The following PEX14 variants were observed in gnomAD, a reference collection of about 807,000 sequenced individuals.
PEX14 encodes peroxisomal membrane protein PEX14.
Under a neutral mutation model 49.5 loss-of-function variants are expected in PEX14, and 15 were observed. The ratio of observed to expected loss-of-function variants is 0.30; its 90% CI spans 0.20 to 0.47. PEX14 has a LOEUF of 0.47. Ranked by LOEUF, PEX14 falls within the 20% of genes least tolerant of loss-of-function variation. The probability of loss-of-function intolerance (pLI) is 1.00; values close to 1 mark genes in which losing one functional copy is unlikely to be tolerated. For missense variants in PEX14, 398 were observed against 494.8 expected (o/e 0.80, Z 1.86); for synonymous variants, 210 against 212.7 (o/e 0.99, Z 0.11).
chr1:10,582,237 A>C (rs550872914), intron 3 of PEX14, among the ~76,000 whole-genome samples: 4 of 152,246 alleles, frequency 2.6e-5, no homozygotes, highest in East Asian at 1.9e-4. Flanking sequence ...TATATCTTAC[A>C]GCTATTGAAA....
chr1:10,585,519 G>C (rs1018517826), intron 3 of PEX14, among the ~76,000 whole-genome samples: 1 of 152,206 alleles, frequency 6.6e-6, no homozygotes, highest in Non-Finnish European at 1.5e-5. Flanking sequence ...CACACCTTTA[G>C]TATAAAGATA....
intron 3 of PEX14, among the ~76,000 whole-genome samples, chr1:10,580,206 G>A (rs539895277): frequency 6.6e-6 from 1 of 152,142 alleles, no homozygotes; most frequent in South Asian, 2.1e-4. Flanking sequence ...AGGACAGAAG[G>A]GGTGTAAATG....
At chr1:10,517,424 G>A (rs753902245) in intron 2 of PEX14, among the ~76,000 whole-genome samples, 32 of 152,132 alleles carry the variant, frequency 2.1e-4, no homozygotes, top group Non-Finnish European at 4.1e-4. Flanking sequence ...TTCCTTTGAA[G>A]AGAGAGGAGT....
intron 5 of PEX14, among the ~76,000 whole-genome samples, chr1:10,620,291 C>CAATAA (rs59926174): frequency 0.088 from 12,563 of 142,312 alleles, 871 homozygotes; most frequent in East Asian, 0.37. Context: ...CTCTACCAAA[C>CAATAA]AATAAAATAA....
At chr1:10,545,985 C>T (rs1003375643) in intron 3 of PEX14, among the ~76,000 whole-genome samples, 1 of 152,048 alleles carries the variant, frequency 6.6e-6, no homozygotes, top group East Asian at 1.9e-4. Context: ...TTTGAGCTTA[C>T]AGGGAGCTAT....
In PEX14 at chr1:10,623,490, G is replaced by A. The variant is rs1255092787; in HGVS notation, c.487+369G>A. On this transcript the variant is annotated intron_variant, in intron 6 of 8. Transcript: ENST00000356607. The surrounding 1 kb of genome is among the most constrained non-coding windows in gnomAD (Gnocchi z 4.4). ...CTTCCCTCTAAGACTCGACTGTGGG[G>A]TCAAGAGAGTCTGTAATTACTGTGG... is the stretch of plus-strand genomic sequence containing the variant. 2.0e-5 allele frequency among the ~76,000 whole-genome samples: 3 copies of A among 152,204 alleles called. No homozygotes were observed. Among genetic ancestry groups the A allele is most frequent in the East Asian group, 1.9e-4 (1 of 5,176 alleles).
chr1:10,505,332 A>G (rs966510483), intron 2 of PEX14, among the ~76,000 whole-genome samples: 33 of 152,122 alleles, frequency 2.2e-4, no homozygotes, highest in African/African-American at 7.2e-4. Context: ...TTAGTGGGAC[A>G]TGTGGCTCGA....
intron 2 of PEX14, among the ~76,000 whole-genome samples, chr1:10,531,896 A>T (rs940726839): frequency 6.6e-6 from 1 of 152,142 alleles, no homozygotes; most frequent in African/African-American, 2.4e-5. Context: ...TAAAGTGTGT[A>T]TTCTGAAGAT....
intron 3 of PEX14, among the ~76,000 whole-genome samples, chr1:10,589,503 G>T (rs1044879743): frequency 6.6e-6 from 1 of 152,032 alleles, no homozygotes; most frequent in Non-Finnish European, 1.5e-5. Context: ...CCCCACCTCA[G>T]CCTCCCAAGT....
intron 2 of PEX14, among the ~76,000 whole-genome samples, chr1:10,517,745 C>T (rs1641996940): frequency 6.8e-6 from 1 of 146,174 alleles, no homozygotes; most frequent in Admixed American, 7.0e-5. Context: ...CTAGCATTGT[C>T]AGAGTATATG....
intron 3 of PEX14, among the ~76,000 whole-genome samples, chr1:10,551,398 TC>T (rs1639329809): frequency 6.6e-6 from 1 of 152,146 alleles, no homozygotes; most frequent in Non-Finnish European, 1.5e-5. Flanking sequence ...GAGTCGAACC[TC>T]CATGAAGCCG....
chr1:10,554,788 A>G (rs1639438220), intron 3 of PEX14, among the ~76,000 whole-genome samples: 1 of 151,648 alleles, frequency 6.6e-6, no homozygotes. Context: ...ATCTTGGCTC[A>G]CTGCAACCTC....
At chr1:10,567,581 C>T (rs937977473) in intron 3 of PEX14, among the ~76,000 whole-genome samples, 2 of 152,100 alleles carry the variant, frequency 1.3e-5, no homozygotes, top group African/African-American at 2.4e-5. Flanking sequence ...GCACCCTCCA[C>T]CTCAGGAGAC....
At chr1:10,516,368 G>GTA (rs1376828670) in intron 2 of PEX14, among the ~76,000 whole-genome samples, 1 of 152,202 alleles carries the variant, frequency 6.6e-6, no homozygotes, top group Non-Finnish European at 1.5e-5. Context: ...TATTTGGTCA[G>GTA]TAATGCAAAT....
chr1:10,485,760 T>C (rs1233628437), intron 1 of PEX14, among the ~76,000 whole-genome samples: 1 of 147,188 alleles, frequency 6.8e-6, no homozygotes, highest in East Asian at 2.0e-4. Context: ...TTCTAGTAGT[T>C]TTTTTTTTTT....
chr1:10,594,817 C>A (rs1009960542), intron 3 of PEX14, among the ~76,000 whole-genome samples: 3 of 37,598 alleles, frequency 8.0e-5, no homozygotes, highest in African/African-American at 2.0e-4. Flanking sequence ...CCTAGGGCAT[C>A]ACAATCGCAG....
chr1:10,568,145 A>G (rs1557849395), intron 3 of PEX14, among the ~76,000 whole-genome samples: 2 of 152,110 alleles, frequency 1.3e-5, no homozygotes, highest in Non-Finnish European at 2.9e-5. Flanking sequence ...GCTTATATCT[A>G]TTACTACTTT....
At chr1:10,548,409 A>T (rs987401248) in intron 3 of PEX14, among the ~76,000 whole-genome samples, 6 of 152,218 alleles carry the variant, frequency 3.9e-5, no homozygotes, top group African/African-American at 1.4e-4. Context: ...GAAACTTAAC[A>T]TAAGGTATAA....
rs1641933292 is a variant in PEX14, at chr1:10,514,176, G to GTGTA, written c.84+18858_84+18859insATGT. On this transcript the variant is annotated intron_variant, in intron 2 of 8. Coordinates refer to ENST00000356607, the MANE Select transcript of PEX14 (RefSeq NM_004565.3). The surrounding 1 kb of genome is among the most constrained non-coding windows in gnomAD (Gnocchi z 4.4). ...TGCCTCTGTGTGTGTGTGTGTGTGT[G>GTGTA]TGTGTGTGTGTGTGTGTGTGTGTAT... is the stretch of plus-strand genomic sequence containing the variant. Among the ~76,000 whole-genome samples the GTGTA allele has an allele frequency of 2.0e-5, 3 of 151,540 alleles. No homozygotes were observed. The South Asian group carries it at 6.3e-4, about 32-fold the overall frequency.
Sources: allele counts gnomAD v4.1 joint callset (sites outside exome capture counted in the v4.1 genomes callset), GRCh38; gene constraint gnomAD v4.1.1; non-coding constraint Gnocchi (gnomAD v3.1); transcripts MANE v1.5; gene names NCBI Gene and HGNC (gene_info 2026-07-23, HGNC 2026-07-21).